UBE4B: variants seen among roughly 807,000 people sequenced by gnomAD.
UBE4B encodes the protein ubiquitination factor E4B.
A neutral mutation model predicts 148.1 loss-of-function variants in UBE4B; 27 were observed. The ratio of observed to expected loss-of-function variants is 0.18; its 90% CI spans 0.13 to 0.25. The LOEUF is 0.25. Among genes scored for constraint, UBE4B ranks in the 10% least tolerant of loss-of-function variants. UBE4B has a pLI of 1.00. For synonymous variants in UBE4B, 596 were observed against 619.3 expected (o/e 0.96, Z 0.56); for missense variants, 1,170 against 1,662.4 (o/e 0.70, Z 5.15).
chr1:10,035,389 GT>G (rs533941719), intron 1 of UBE4B, among the ~76,000 whole-genome samples: 5,736 of 65,986 alleles, frequency 0.087, 32 homozygotes, highest in African/African-American at 0.14. Context: ...CAGAGATACT[GT>G]TTTTTTTTTT....
chr1:10,158,609 C>A, intron 22 of UBE4B, 127 bp downstream of exon 22: 1 of 1,183,146 alleles, frequency 8.5e-7, no homozygotes, highest in Non-Finnish European at 1.2e-6. Flanking sequence ...TTTGAGTTTA[C>A]CACAAGATGC....
At chr1:10,050,036 T>C (rs1195883114) in intron 1 of UBE4B, among the ~76,000 whole-genome samples, 1 of 152,148 alleles carries the variant, frequency 6.6e-6, no homozygotes, top group Non-Finnish European at 1.5e-5. Context: ...AAACTGAAGA[T>C]GGCAAATATG....
Position 10,106,117 on chromosome 1 carries a change from T to C in UBE4B, c.810-80T>C. On this transcript the variant is annotated intron_variant, in intron 6 of 27. Coordinates refer to ENST00000343090, the MANE Select transcript of UBE4B (RefSeq NM_001105562.3). This position sits in a 1 kb window ranked among gnomAD's most constrained non-coding sequence, Gnocchi z 4.2. ...CTGAAATGATTCTCCTTTAAAAGCT[T>C]GATATTTTCTGTTTTAGTTAGTTAT... 1 of 1,452,348 alleles carries C rather than the reference T, an allele frequency of 6.9e-7. No homozygotes were observed. Among genetic ancestry groups the C allele is most frequent in the East Asian group, 2.3e-5 (1 of 43,556 alleles). The allele number at this position is 1,452,348 out of a possible 1,614,324, so 90.0% of individuals were successfully genotyped here. A position where few individuals can be genotyped will look rare whatever the true frequency, so the allele number is the denominator to read the frequency against.
At chr1:10,178,986 T>C (rs1646467073) in intron 26 of UBE4B, 168 bp downstream of exon 26, 2 of 704,848 alleles carry the variant, frequency 2.8e-6, no homozygotes, top group African/African-American at 3.7e-5. Context: ...ATATTGTAAA[T>C]TGAGAGGAAG....
intron 17 of UBE4B, among the ~76,000 whole-genome samples, chr1:10,139,263 T>C (rs1002897865): frequency 6.6e-6 from 1 of 152,144 alleles, no homozygotes. Context: ...GGTTGGCGCA[T>C]GCCTGTAATC....
chr1:10,151,152 G>T (rs1321407746), intron 20 of UBE4B, among the ~76,000 whole-genome samples, 174 bp from the exon 21 acceptor site: 2 of 149,152 alleles, frequency 1.3e-5, no homozygotes, highest in Non-Finnish European at 3.0e-5. Context: ...GACAGAGCGA[G>T]ACTCTGTCTC....
At chr1:10,108,246 C>A (rs1386358458) in intron 7 of UBE4B, among the ~76,000 whole-genome samples, 1 of 150,736 alleles carries the variant, frequency 6.6e-6, no homozygotes, top group South Asian at 2.1e-4. Flanking sequence ...CTGGGCAATC[C>A]ATCGAAGAAC....
chr1:10,115,293 A>G (rs1245605129), intron 7 of UBE4B, among the ~76,000 whole-genome samples: 1 of 150,692 alleles, frequency 6.6e-6, no homozygotes, highest in Non-Finnish European at 1.5e-5. Context: ...AGCAAATATC[A>G]TAGTCGCTCT....
At chr1:10,052,852 G>A (rs1216015371) in intron 1 of UBE4B, among the ~76,000 whole-genome samples, 1 of 152,164 alleles carries the variant, frequency 6.6e-6, no homozygotes, top group Non-Finnish European at 1.5e-5. Flanking sequence ...TCTGCATTCT[G>A]GAGGCTGAGA....
chr1:10,093,780 C>T (rs1224969159), intron 2 of UBE4B, among the ~76,000 whole-genome samples: 1 of 151,768 alleles, frequency 6.6e-6, no homozygotes, highest in Admixed American at 6.6e-5. Context: ...CTGCAACCTC[C>T]GCCTCCCAAG....
intron 25 of UBE4B, among the ~76,000 whole-genome samples, chr1:10,175,518 G>A (rs1307267106): frequency 1.3e-5 from 2 of 151,864 alleles, no homozygotes; most frequent in Non-Finnish European, 2.9e-5. Flanking sequence ...AGGCGTGGTG[G>A]CGGGCGCCCG....
intron 1 of UBE4B, chr1:10,054,828 C>T (rs1044705801): frequency 1.3e-5 from 2 of 156,526 alleles, no homozygotes; most frequent in African/African-American, 5.0e-5. Flanking sequence ...TCTTGTTGCC[C>T]AGGCTGGAGT....
chr1:10,178,329 C>T (rs1055995474), intron 25 of UBE4B, among the ~76,000 whole-genome samples: 5 of 152,036 alleles, frequency 3.3e-5, no homozygotes, highest in Middle Eastern at 3.4e-3. Flanking sequence ...AAAAGAAATG[C>T]GTGCTAGCTG....
intron 1 of UBE4B, among the ~76,000 whole-genome samples, chr1:10,063,694 C>G (rs985084082): frequency 1.3e-5 from 2 of 151,824 alleles, no homozygotes; most frequent in Non-Finnish European, 2.9e-5. Flanking sequence ...CACTTGAGGT[C>G]GTCAGGAGTT....
At chr1:10,107,639 G>A (rs1001314721) in intron 7 of UBE4B, among the ~76,000 whole-genome samples, 6 of 147,950 alleles carry the variant, frequency 4.1e-5, no homozygotes, top group African/African-American at 7.6e-5. Context: ...GTGCAATGGC[G>A]CAATCTCGGC....
In UBE4B at chr1:10,144,026, AG is replaced by A. The variant is rs1645825657; in HGVS notation, c.2364-913del. 9.8e-5 allele frequency among the ~76,000 whole-genome samples: 15 copies of A among 152,354 alleles called. No homozygotes were observed. The South Asian group carries it at 2.7e-3, about 27-fold the overall frequency. On this transcript the variant is annotated intron_variant, in intron 17 of 27. Transcript: ENST00000343090. ...GAAATGTAGCTTTTGGAGATTTAGCAGCCTCTAGTATTACACACAACATCAT... is the reference window on the plus strand; with the variant it reads ...GAAATGTAGCTTTTGGAGATTTAGCACCTCTAGTATTACACACAACATCAT...
At chr1:10,155,090 T>C (rs61782930) in intron 21 of UBE4B, among the ~76,000 whole-genome samples, 1 of 135,914 alleles carries the variant, frequency 7.4e-6, no homozygotes, top group Non-Finnish European at 1.5e-5. Context: ...AGAGAGTGTG[T>C]GTGTGTGTGT....
At chr1:10,065,357 G>A (rs951851072) in intron 1 of UBE4B, among the ~76,000 whole-genome samples, 3 of 152,156 alleles carry the variant, frequency 2.0e-5, no homozygotes, top group Non-Finnish European at 4.4e-5. Context: ...GCATGCGGGG[G>A]AGGAAGGCAC....
intron 3 of UBE4B, among the ~76,000 whole-genome samples, chr1:10,097,237 A>G (rs965101394): frequency 6.6e-6 from 1 of 152,076 alleles, no homozygotes; most frequent in Non-Finnish European, 1.5e-5. Context: ...AATATAAAAG[A>G]TATTTAGAGA....
Sources: allele counts gnomAD v4.1 joint callset (sites outside exome capture counted in the v4.1 genomes callset), GRCh38; gene constraint gnomAD v4.1.1; non-coding constraint Gnocchi (gnomAD v3.1); transcripts MANE v1.5; gene names NCBI Gene and HGNC (gene_info 2026-07-23, HGNC 2026-07-21).